LIPA: variants seen among roughly 807,000 people sequenced by gnomAD.
The protein encoded by LIPA is lysosomal acid lipase/cholesteryl ester hydrolase.
LIPA carries 26 observed loss-of-function variants against 40.6 expected under a neutral mutation model. The observed-to-expected ratio is 0.64, with a 90% CI of 0.47 to 0.89. The LOEUF (loss-of-function observed/expected upper bound fraction) is 0.89, where lower values mean the gene tolerates loss of function less well. Among genes scored for constraint, LIPA ranks in the 40% least tolerant of loss-of-function variants. The pLI, the probability that LIPA is intolerant of heterozygous loss-of-function variation, is 0.00. For synonymous variants in LIPA, 188 were observed against 168.4 expected, an observed-to-expected ratio of 1.12 and a Z score of -0.90; for missense variants, 455 against 479.6, an observed-to-expected ratio of 0.95 and a Z score of 0.48.
intron 3 of LIPA, among the ~76,000 whole-genome samples, chr10:89,230,514 C>T (rs1393679013): frequency 6.6e-6 from 1 of 152,114 alleles, no homozygotes; most frequent in East Asian, 1.9e-4. Context: ...ACCATGTTCC[C>T]AGGCTGGTCT....
chr10:89,405,732 C>T (rs980985686), intron 2 of LIPA: 8 of 152,254 alleles, frequency 5.3e-5, no homozygotes, highest in African/African-American at 1.7e-4. Flanking sequence ...TCTCCTCTGA[C>T]TCTTTTGCCT....
At chr10:89,269,708 A>T (rs1304997566) in intron 1 of LIPA, among the ~76,000 whole-genome samples, 1 of 152,254 alleles carries the variant, frequency 6.6e-6, no homozygotes, top group South Asian at 2.1e-4. Flanking sequence ...CTTCAAAAAT[A>T]TTAATTTCCT....
chr10:89,306,748 C>T, intron 1 of LIPA: 8 of 1,614,090 alleles, frequency 5.0e-6, no homozygotes, highest in Non-Finnish European at 6.8e-6. Context: ...ATGAGCCAGA[C>T]AAAGCGATTG....
intron 1 of LIPA, among the ~76,000 whole-genome samples, chr10:89,325,938 C>A (rs1037405098): frequency 1.3e-5 from 2 of 152,004 alleles, no homozygotes; most frequent in Admixed American, 1.3e-4. Context: ...CAGGCAATAA[C>A]AAATGCTGGC....
At chr10:89,278,617 T>C (rs947502645) in intron 1 of LIPA, 4 of 152,156 alleles carry the variant, frequency 2.6e-5, no homozygotes, top group Admixed American at 6.6e-5. Context: ...TTATCTTAGT[T>C]TGGAATATTA....
At chr10:89,392,577 C>A in intron 2 of LIPA, 1 of 817,196 alleles carries the variant, frequency 1.2e-6, no homozygotes. Flanking sequence ...ACACCATTGG[C>A]TGCTGTTTAG....
rs575891769 is a variant in LIPA, at chr10:89,355,264, A to T, written c.61+57527T>A. 3.0e-4 allele frequency among the ~76,000 whole-genome samples: 46 copies of T among 152,346 alleles called. No homozygotes were observed. In the South Asian group the frequency reaches 8.9e-3, roughly 29 times the overall value. ...ACAAAAGTGGTTGAGTTTGGGGGAC[A>T]GCCTATTACCATTTAAACTATAATC... On this transcript the variant is annotated intron_variant, in intron 2 of 8. Transcript: ENST00000371837.
chr10:89,402,338 TA>T, intron 2 of LIPA: 3 of 1,614,200 alleles, frequency 1.9e-6, no homozygotes, highest in Non-Finnish European at 2.5e-6. Flanking sequence ...GATGTCACTT[TA>T]CATGGGAGTT....
chr10:89,281,048 A>C (rs1843311804), intron 1 of LIPA, among the ~76,000 whole-genome samples: 1 of 152,252 alleles, frequency 6.6e-6, no homozygotes, highest in South Asian at 2.1e-4. Context: ...CTTTGGTTTT[A>C]AAAACAGTGG....
chr10:89,367,720 C>A (rs181912127), intron 2 of LIPA, among the ~76,000 whole-genome samples: 1 of 152,190 alleles, frequency 6.6e-6, no homozygotes. Context: ...TGTGAGAGAA[C>A]TGTGACTGTG....
At chr10:89,270,586 A>T (rs552882327) in intron 1 of LIPA, among the ~76,000 whole-genome samples, 25 of 152,292 alleles carry the variant, frequency 1.6e-4, no homozygotes, top group African/African-American at 6.0e-4. Flanking sequence ...AGAGGCACTG[A>T]TCCTAGTGGA....
chr10:89,391,735 G>A (rs529847729), intron 2 of LIPA, among the ~76,000 whole-genome samples: 1 of 152,014 alleles, frequency 6.6e-6, no homozygotes, highest in Admixed American at 6.5e-5. Flanking sequence ...TCACCATGTT[G>A]GCCACGATGG....
intron 2 of LIPA, among the ~76,000 whole-genome samples, chr10:89,388,205 AAGT>A (rs1844222952): frequency 2.0e-5 from 3 of 152,116 alleles, no homozygotes; most frequent in Admixed American, 1.3e-4. Flanking sequence ...TCCTGGGTTC[AAGT>A]GATTCTCCTG....
intron 1 of LIPA, among the ~76,000 whole-genome samples, chr10:89,268,349 G>A (rs1029955785): frequency 6.6e-6 from 1 of 152,228 alleles, no homozygotes; most frequent in Non-Finnish European, 1.5e-5. Context: ...TATGTGTTAA[G>A]TGCTTAGAAT....
intron 1 of LIPA, chr10:89,306,094 T>C: frequency 6.2e-7 from 1 of 1,614,126 alleles, no homozygotes; most frequent in Non-Finnish European, 8.5e-7. Flanking sequence ...AGTTTCAGAA[T>C]CGTGAATTCA....
At chr10:89,366,569 A>G (rs190272614) in intron 2 of LIPA, among the ~76,000 whole-genome samples, 1,677 of 152,334 alleles carry the variant, frequency 0.011, 40 homozygotes, top group East Asian at 0.092. Context: ...CAGACACATG[A>G]AAAAATGCTC....
intron 7 of LIPA, 78 bp downstream of exon 7, chr10:89,223,606 C>G (rs1335737405): frequency 8.4e-7 from 1 of 1,186,248 alleles, no homozygotes; most frequent in African/African-American, 1.5e-5. Context: ...TCATTCCCAC[C>G]TCTCCCATAT....
intron 1 of LIPA, among the ~76,000 whole-genome samples, chr10:89,257,660 T>A (rs1843187831): frequency 1.3e-5 from 2 of 152,176 alleles, no homozygotes; most frequent in Admixed American, 1.3e-4. Flanking sequence ...GGACAGATTT[T>A]CCAGGCTGTA....
intron 1 of LIPA, among the ~76,000 whole-genome samples, chr10:89,283,403 T>C (rs1215847442): frequency 6.6e-6 from 1 of 152,254 alleles, no homozygotes; most frequent in Non-Finnish European, 1.5e-5. Flanking sequence ...AATTAAACTC[T>C]ACTAAATTTA....
Sources: gnomAD v4.1 joint callset for allele counts (sites outside exome capture counted in the v4.1 genomes callset) on GRCh38, gnomAD v4.1.1 for gene constraint, MANE v1.5 for transcripts, NCBI Gene and HGNC (gene_info 2026-07-23, HGNC 2026-07-21) for gene names.